The following SHQ1 variants were observed in gnomAD, a reference collection of about 807,000 sequenced individuals.
The protein encoded by SHQ1 is protein SHQ1 homolog.
SHQ1 carries 49 observed loss-of-function variants against 53.8 expected under a neutral mutation model. The observed-to-expected ratio is 0.91, with a 90% CI of 0.72 to 1.16. The LOEUF (loss-of-function observed/expected upper bound fraction) is 1.16. SHQ1 is among the 50% of genes most tolerant of loss of function. SHQ1 has a pLI of 0.00. For missense variants in SHQ1, 738 were observed against 683.1 expected (o/e 1.08, Z -0.90); for synonymous variants, 243 against 251.0 (o/e 0.97, Z 0.30).
chr3:72,768,597 G>T (rs1575681434), intron 10 of SHQ1, among the ~76,000 whole-genome samples: 1 of 152,176 alleles, frequency 6.6e-6, no homozygotes, highest in Non-Finnish European at 1.5e-5. Context: ...CCTTACTTAT[G>T]CATTTTCTAT....
At chr3:72,726,780 T>C in the SHQ1 span, among the ~76,000 whole-genome samples, 2 of 152,210 alleles carry the variant, frequency 1.3e-5, no homozygotes, top group Non-Finnish European at 2.9e-5. Context: ...GGGCTTTCTC[T>C]AATCACACCA....
At chr3:72,753,643 G>A (rs1705436551) in intron 10 of SHQ1, 1 of 985,356 alleles carries the variant, frequency 1.0e-6, no homozygotes, top group Non-Finnish European at 1.2e-6. Flanking sequence ...AGAACTTCCA[G>A]AGCGCTTAGA....
intron 6 of SHQ1, among the ~76,000 whole-genome samples, chr3:72,821,870 C>T (rs1347876688): frequency 6.6e-6 from 1 of 152,166 alleles, no homozygotes; most frequent in African/African-American, 2.4e-5. Context: ...ATTCTGAGTG[C>T]CCCAAATATT....
At chr3:72,797,427 TC>T (rs1706659736) in intron 9 of SHQ1, among the ~76,000 whole-genome samples, 1 of 152,154 alleles carries the variant, frequency 6.6e-6, no homozygotes, top group South Asian at 2.1e-4. Context: ...TTCTATACTT[TC>T]CTCTATTTTC....
chr3:72,773,340 T>C (rs1322789577), intron 10 of SHQ1: 10 of 572,374 alleles, frequency 1.7e-5, no homozygotes, highest in Non-Finnish European at 2.0e-5. Context: ...AAAATGAGTA[T>C]ACTCCAACAA....
chr3:72,735,836 A>C, the SHQ1 span, among the ~76,000 whole-genome samples: 1 of 149,436 alleles, frequency 6.7e-6, no homozygotes, highest in Non-Finnish European at 1.5e-5. Flanking sequence ...CCAGGGTGGA[A>C]GGAGCTTTAG....
intron 1 of SHQ1, chr3:72,846,442 C>T (rs1435196369): frequency 2.7e-6 from 2 of 740,176 alleles, no homozygotes; most frequent in Admixed American, 2.9e-5. Flanking sequence ...ACTACAAGCG[C>T]GTGCCATCAA....
the SHQ1 span, among the ~76,000 whole-genome samples, chr3:72,741,061 TC>T: frequency 6.8e-3 from 1,034 of 152,330 alleles, 6 homozygotes; most frequent in Non-Finnish European, 9.9e-3. Flanking sequence ...AGATTCTATT[TC>T]CACTGTATGT....
chr3:72,824,102 G>GC (rs1472150990), intron 6 of SHQ1, among the ~76,000 whole-genome samples: 1 of 152,114 alleles, frequency 6.6e-6, no homozygotes, highest in Admixed American at 6.6e-5. Flanking sequence ...TACCTCTTAA[G>GC]CAGGTTATTG....
intron 10 of SHQ1, among the ~76,000 whole-genome samples, chr3:72,763,225 G>A (rs1027662951): frequency 1.3e-5 from 2 of 152,190 alleles, no homozygotes; most frequent in African/African-American, 4.8e-5. Flanking sequence ...CTGAAGCAGA[G>A]CTCTCCAATC....
At chr3:72,809,519 T>C (rs1261517859) in intron 9 of SHQ1, 1 of 152,134 alleles carries the variant, frequency 6.6e-6, no homozygotes, top group Non-Finnish European at 1.5e-5. Context: ...TTCTCTTCCA[T>C]CCCATCCCAT....
intron 4 of SHQ1, among the ~76,000 whole-genome samples, chr3:72,834,990 G>C (rs905397759): frequency 6.6e-6 from 1 of 152,040 alleles, no homozygotes. Context: ...CTAAAATCAA[G>C]GGCTACACTC....
At chr3:72,774,018 A>G (rs1291452406) in intron 10 of SHQ1, among the ~76,000 whole-genome samples, 1 of 152,236 alleles carries the variant, frequency 6.6e-6, no homozygotes. Flanking sequence ...CTCCGAGGAC[A>G]AGAAGATATT....
At chr3:72,819,222 T>C (rs148330757) in intron 6 of SHQ1, among the ~76,000 whole-genome samples, 68 of 152,326 alleles carry the variant, frequency 4.5e-4, no homozygotes, top group African/African-American at 1.6e-3. Flanking sequence ...ACTAGTTCCT[T>C]GGTTTGTAGG....
chr3:72,817,509 T>C (rs1458329397), intron 6 of SHQ1, 125 bp from the exon 7 acceptor site: 7 of 870,976 alleles, frequency 8.0e-6, no homozygotes, highest in Non-Finnish European at 1.2e-5. Context: ...TACTTAACTA[T>C]GGATATATAA....
rs1188017565 is a variant in SHQ1, at chr3:72,833,744, T to C, written c.487-1263A>G. On this transcript the variant is annotated intron_variant, in intron 4 of 10. Coordinates refer to ENST00000325599, the MANE Select transcript of SHQ1 (RefSeq NM_018130.3). ...CAGAATAAATGGACATTAGGAAAAC[T>C]GCCTAGGATGCCATATGGTCTTTAT... 2.6e-5 allele frequency among the ~76,000 whole-genome samples: 4 copies of C among 152,334 alleles called. No homozygotes were observed. The East Asian group carries it at 7.7e-4, about 29-fold the overall frequency.
chr3:72,788,474 C>T (rs1474759142), intron 10 of SHQ1, among the ~76,000 whole-genome samples: 5 of 151,370 alleles, frequency 3.3e-5, no homozygotes, highest in Non-Finnish European at 7.4e-5. Flanking sequence ...GCGTCTCCGC[C>T]CGGCAGCCGC....
At chr3:72,785,680 A>G (rs1706210420) in intron 10 of SHQ1, among the ~76,000 whole-genome samples, 1 of 152,250 alleles carries the variant, frequency 6.6e-6, no homozygotes, top group African/African-American at 2.4e-5. Flanking sequence ...CACTGTAGCT[A>G]GAACAAGAAA....
At chr3:72,746,985 T>C (rs996969046), downstream of SHQ1, among the ~76,000 whole-genome samples, 23 of 152,224 alleles carry the variant, frequency 1.5e-4, no homozygotes, top group Non-Finnish European at 1.9e-4. Flanking sequence ...AAAGCAGTTA[T>C]AGTGTTCAGG....
Sources: allele counts gnomAD v4.1 joint callset (sites outside exome capture counted in the v4.1 genomes callset), GRCh38; gene constraint gnomAD v4.1.1; transcripts MANE v1.5; gene names NCBI Gene and HGNC (gene_info 2026-07-23, HGNC 2026-07-21).